Variants in CHIC1 observed in about 807,000 individuals in gnomAD.
The protein encoded by CHIC1 is cysteine-rich hydrophobic domain-containing protein 1.
In CHIC1, 7 loss-of-function variants were observed where a neutral mutation model predicts 18.5. The observed-to-expected ratio is 0.38, with a 90% CI of 0.22 to 0.71. The LOEUF (loss-of-function observed/expected upper bound fraction) is 0.71, where lower values mean the gene tolerates loss of function less well. Among genes scored for constraint, CHIC1 ranks in the 30% least tolerant of loss-of-function variants. The pLI is 0.49. For synonymous variants in CHIC1, 77 were observed against 73.5 expected (o/e 1.05, Z -0.25); for missense variants, 159 against 176.9 (o/e 0.90, Z 0.57).
Position 73,563,476 on chromosome X carries a change from AGAG to A in CHIC1, c.201_203del (p.Glu68del), listed in dbSNP as rs1252223070. 7 of 1,164,689 alleles carry A rather than the reference AGAG, an allele frequency of 6.0e-6. No individual in the cohort carries two copies. The highest frequency in any genetic ancestry group is 8.0e-6 in the Non-Finnish European group (7 of 872,551). On this transcript the variant is annotated inframe_deletion, in exon 1 of 6. Coordinates refer to ENST00000373502, the MANE Select transcript of CHIC1 (RefSeq NM_001039840.4). ...AGGAGGAAGAAGAGGAGGAGGAGGA[AGAG>A]GAGGAGGAAGCGCCGCCCCCGCCTC...
At chrX:73,678,487 G>A (rs923128403) in intron 3 of CHIC1, among the ~76,000 whole-genome samples, 18 of 111,897 alleles carry the variant, frequency 1.6e-4, no homozygotes, top group Admixed American at 9.4e-4. Flanking sequence ...TCCCAGGCCA[G>A]ATAGTCCCTG....
At chrX:73,567,379 G>A (rs1364242011) in intron 1 of CHIC1, among the ~76,000 whole-genome samples, 4 of 110,557 alleles carry the variant, frequency 3.6e-5, no homozygotes, top group African/African-American at 3.3e-5. Context: ...TTCTGTATTC[G>A]CAACCTCAGT....
Position 73,577,414 on chromosome X carries a change from T to C in CHIC1, c.304T>C (p.Leu102=), listed in dbSNP as rs1238687029. The C allele has an allele frequency of 8.4e-7, 1 of 1,195,347 alleles. No homozygotes were observed. The highest frequency in any genetic ancestry group is 1.1e-6 in the Non-Finnish European group (1 of 883,740). Residue 102 remains leucine (L), a synonymous_variant, in exon 2 of 6, where the codon TTG becomes CTG. Coordinates refer to ENST00000373502, the MANE Select transcript of CHIC1 (RefSeq NM_001039840.4). ...TCTGTGTTTGTTTTGAAGGTTTGGC[T>C]TGAGCAACAAGTTTGATACTGAATT... ...RGAGHITVFG[L]SNKFDTEFPS...
At chrX:73,674,879 T>C (rs1368524032) in intron 3 of CHIC1, among the ~76,000 whole-genome samples, 1 of 111,977 alleles carries the variant, frequency 8.9e-6, no homozygotes, top group African/African-American at 3.2e-5. Flanking sequence ...TTTAGTGCTA[T>C]AAATTTCCCT....
At chrX:73,593,643 G>T (rs1489972700) in intron 3 of CHIC1, among the ~76,000 whole-genome samples, 1 of 111,200 alleles carries the variant, frequency 9.0e-6, no homozygotes, top group Non-Finnish European at 1.9e-5. Context: ...TGCCTGACTG[G>T]CTTGATTGAA....
At chrX:73,622,800 T>C (rs1384279243) in intron 3 of CHIC1, among the ~76,000 whole-genome samples, 2 of 112,261 alleles carry the variant, frequency 1.8e-5, no homozygotes, top group African/African-American at 6.5e-5. Context: ...TTTACATCTT[T>C]CCCGCTTTCT....
At chrX:73,645,717 A>G (rs947031987) in intron 3 of CHIC1, among the ~76,000 whole-genome samples, 1 of 111,597 alleles carries the variant, frequency 9.0e-6, no homozygotes, top group East Asian at 2.8e-4. Context: ...TTCTTTTGAG[A>G]AGTATCTATT....
chrX:73,642,113 G>A lies in CHIC1; in HGVS notation c.508-37213G>A, dbSNP rs182778797. Among the ~76,000 whole-genome samples, 1,055 of 111,616 alleles carry A rather than the reference G, an allele frequency of 9.5e-3. 10 individuals carry two copies. Among genetic ancestry groups the A allele is most frequent in the African/African-American group, 0.022 (689 of 30,665 alleles). On this transcript the variant is annotated intron_variant, in intron 3 of 5. Coordinates refer to ENST00000373502, the MANE Select transcript of CHIC1 (RefSeq NM_001039840.4). ...CGCCACACTGACTTCCACAAGGATC[G>A]AACTAGTTTACAATCCCACCAACAG...
intron 3 of CHIC1, among the ~76,000 whole-genome samples, chrX:73,652,155 A>G (rs993113856): frequency 1.8e-5 from 2 of 111,981 alleles, no homozygotes; most frequent in African/African-American, 6.5e-5. Flanking sequence ...TATTCAATAA[A>G]TGGTGCCGGG....
At chrX:73,673,156 T>G (rs1230270867) in intron 3 of CHIC1, among the ~76,000 whole-genome samples, 1 of 112,155 alleles carries the variant, frequency 8.9e-6, no homozygotes, top group East Asian at 2.8e-4. Context: ...TGTAGCCTTG[T>G]AGTATAGTTT....
intron 3 of CHIC1, among the ~76,000 whole-genome samples, chrX:73,668,420 C>CATTT (rs2058014516): frequency 8.9e-6 from 1 of 112,179 alleles, no homozygotes. Context: ...GTGTTGTGGT[C>CATTT]ATTTGGAGGA....
In CHIC1 at chrX:73,681,356, G is replaced by A. The variant is rs1372199555; in HGVS notation, c.*351G>A. 2.9e-5 allele frequency: 4 copies of A among 139,159 alleles called. No individual in the cohort carries two copies. The highest frequency in any genetic ancestry group is 4.2e-5 in the Non-Finnish European group (3 of 72,015). 11.5% of individuals were successfully genotyped at this position (139,159 alleles called of 1,213,427 possible). A position where few individuals can be genotyped will look rare whatever the true frequency, so the allele number is the denominator to read the frequency against. On this transcript the variant is annotated 3_prime_UTR_variant, in exon 6 of 6. Coordinates refer to ENST00000373502, the MANE Select transcript of CHIC1 (RefSeq NM_001039840.4). ...TTTCATACTCATTGTTTCTAAACTCGCATCATTTTTCTAGGCTACTTGATG... is the reference window on the plus strand; with the variant it reads ...TTTCATACTCATTGTTTCTAAACTCACATCATTTTTCTAGGCTACTTGATG...
intron 1 of CHIC1, among the ~76,000 whole-genome samples, chrX:73,570,773 GA>G (rs1194264659): frequency 6.4e-5 from 7 of 109,928 alleles, no homozygotes; most frequent in Admixed American, 9.7e-5. Flanking sequence ...TGCTTAGAAA[GA>G]AAAAAAAGCA....
intron 3 of CHIC1, among the ~76,000 whole-genome samples, chrX:73,659,912 G>A (rs747093290): frequency 8.1e-5 from 9 of 111,595 alleles, no homozygotes; most frequent in Admixed American, 6.6e-4. Flanking sequence ...GGAGCAGGAC[G>A]TGGCTACGAA....
At chrX:73,674,580 T>C (rs2058051333) in intron 3 of CHIC1, among the ~76,000 whole-genome samples, 1 of 111,934 alleles carries the variant, frequency 8.9e-6, no homozygotes, top group Admixed American at 9.4e-5. Flanking sequence ...GGTGGTGATA[T>C]CCCCTTTATC....
At chrX:73,591,500 T>C (rs2057581816) in intron 3 of CHIC1, among the ~76,000 whole-genome samples, 2 of 111,798 alleles carry the variant, frequency 1.8e-5, no homozygotes, top group African/African-American at 6.5e-5. Context: ...TGCAAATATT[T>C]TCTCTCAGCC....
At chrX:73,657,398 T>C (rs1767038423) in intron 3 of CHIC1, among the ~76,000 whole-genome samples, 1 of 111,526 alleles carries the variant, frequency 9.0e-6, no homozygotes, top group Non-Finnish European at 1.9e-5. Flanking sequence ...GAATGGGAGT[T>C]CATTCATGAT....
intron 3 of CHIC1, among the ~76,000 whole-genome samples, chrX:73,600,477 A>T (rs1422507979): frequency 1.9e-5 from 2 of 106,625 alleles, no homozygotes; most frequent in Non-Finnish European, 3.8e-5. Flanking sequence ...GGTTTGTCAT[A>T]GATAGCTCTT....
At chrX:73,676,788 T>G (rs754169815) in intron 3 of CHIC1, among the ~76,000 whole-genome samples, 1 of 112,124 alleles carries the variant, frequency 8.9e-6, no homozygotes, top group Non-Finnish European at 1.9e-5. Flanking sequence ...GCTGCGTTCC[T>G]TTGGAGAAGG....
Sources: gnomAD v4.1 joint callset for allele counts (sites outside exome capture counted in the v4.1 genomes callset) on GRCh38, gnomAD v4.1.1 for gene constraint, MANE v1.5 for transcripts, NCBI Gene and HGNC (gene_info 2026-07-23, HGNC 2026-07-21) for gene names.